AFG2A: variants seen among roughly 807,000 people sequenced by gnomAD.
The protein encoded by AFG2A is ATPase family gene 2 protein homolog A.
the AFG2A span, among the ~76,000 whole-genome samples, chr4:123,311,026 C>T: frequency 6.6e-6 from 1 of 152,210 alleles, no homozygotes; most frequent in Non-Finnish European, 1.5e-5. Context: ...TTTTCATTAA[C>T]ACTCAGAAGT....
At chr4:123,004,004 G>T in the AFG2A span, among the ~76,000 whole-genome samples, 2 of 152,214 alleles carry the variant, frequency 1.3e-5, no homozygotes, top group African/African-American at 4.8e-5. Flanking sequence ...AAGCGAGCCT[G>T]AGCAATGGCA....
At chr4:122,987,127 A>T in the AFG2A span, among the ~76,000 whole-genome samples, 1 of 152,084 alleles carries the variant, frequency 6.6e-6, no homozygotes, top group African/African-American at 2.4e-5. Context: ...ATATAAGTAT[A>T]GCCACCCCTG....
At chr4:123,259,805 T>C in the AFG2A span, 5 of 152,360 alleles carry the variant, frequency 3.3e-5, no homozygotes, top group Non-Finnish European at 5.9e-5. Flanking sequence ...CATTACCCCA[T>C]ATGCCCTATG....
the AFG2A span, among the ~76,000 whole-genome samples, chr4:123,136,337 C>T: frequency 6.7e-6 from 1 of 150,338 alleles, no homozygotes; most frequent in Non-Finnish European, 1.5e-5. Context: ...AGTTTTAGAC[C>T]AGCCGAACCA....
At chr4:123,184,348 T>G in the AFG2A span, among the ~76,000 whole-genome samples, 1 of 152,266 alleles carries the variant, frequency 6.6e-6, no homozygotes, top group Non-Finnish European at 1.5e-5. Context: ...ACTTTTATGT[T>G]TGTACATATT....
At chr4:122,983,056 C>T in the AFG2A span, among the ~76,000 whole-genome samples, 1 of 151,764 alleles carries the variant, frequency 6.6e-6, no homozygotes, top group African/African-American at 2.4e-5. Flanking sequence ...TTAGTAGAGA[C>T]GGGGTTTCAC....
the AFG2A span, among the ~76,000 whole-genome samples, chr4:123,177,835 T>G: frequency 3.3e-5 from 5 of 152,176 alleles, no homozygotes; most frequent in South Asian, 8.3e-4. Flanking sequence ...CATGGCCGCA[T>G]AGGGGACTAT....
At chr4:123,279,367 G>C in the AFG2A span, among the ~76,000 whole-genome samples, 1 of 151,692 alleles carries the variant, frequency 6.6e-6, no homozygotes, top group African/African-American at 2.4e-5. Flanking sequence ...CCAGGATCAT[G>C]CCACGGCACT....
At chr4:122,991,857 C>G in the AFG2A span, among the ~76,000 whole-genome samples, 1 of 152,020 alleles carries the variant, frequency 6.6e-6, no homozygotes, top group Non-Finnish European at 1.5e-5. Context: ...TGATGTTGGG[C>G]TAGTAGAAAC....
the AFG2A span, among the ~76,000 whole-genome samples, chr4:123,227,913 T>C: frequency 6.6e-6 from 1 of 152,210 alleles, no homozygotes; most frequent in African/African-American, 2.4e-5. Flanking sequence ...TGTGCATATA[T>C]ATTTAGGATA....
chr4:123,069,719 C>T, the AFG2A span, among the ~76,000 whole-genome samples: 1 of 152,150 alleles, frequency 6.6e-6, no homozygotes, highest in South Asian at 2.1e-4. Context: ...TAAACATATT[C>T]TTATCTGGAA....
At chr4:123,026,961 A>C in the AFG2A span, among the ~76,000 whole-genome samples, 1 of 152,156 alleles carries the variant, frequency 6.6e-6, no homozygotes, top group Non-Finnish European at 1.5e-5. Context: ...TGAATCCTGA[A>C]TATTACCCTA....
chr4:123,109,582 T>G, the AFG2A span, among the ~76,000 whole-genome samples: 2 of 152,188 alleles, frequency 1.3e-5, no homozygotes, highest in Admixed American at 1.3e-4. Flanking sequence ...TAGGAAAAGA[T>G]TATATCAATC....
At chr4:123,307,975 A>G in the AFG2A span, among the ~76,000 whole-genome samples, 3 of 152,314 alleles carry the variant, frequency 2.0e-5, no homozygotes, top group African/African-American at 7.2e-5. Flanking sequence ...GCACCTAACA[A>G]TGCACTTCTC....
At chr4:123,303,056 C>G in the AFG2A span, among the ~76,000 whole-genome samples, 1 of 152,272 alleles carries the variant, frequency 6.6e-6, no homozygotes, top group South Asian at 2.1e-4. Context: ...CCTTCCCTAC[C>G]CAGTGGTTCC....
At chr4:123,061,674 C>T in the AFG2A span, among the ~76,000 whole-genome samples, 2 of 152,178 alleles carry the variant, frequency 1.3e-5, no homozygotes, top group African/African-American at 2.4e-5. Flanking sequence ...CAAACCATAC[C>T]AGCTGCCCTG....
chr4:123,314,726 T>C, the AFG2A span: 2 of 150,886 alleles, frequency 1.3e-5, no homozygotes, highest in Non-Finnish European at 2.9e-5. Context: ...CCTAGATCAG[T>C]AGGCTTGGGT....
chr4:123,141,884 T>G, the AFG2A span, among the ~76,000 whole-genome samples: 5 of 152,184 alleles, frequency 3.3e-5, no homozygotes, highest in East Asian at 9.6e-4. Flanking sequence ...ACTTGCCACT[T>G]TTTTGTAGCA....
chr4:123,027,905 A>G, the AFG2A span, among the ~76,000 whole-genome samples: 1 of 152,140 alleles, frequency 6.6e-6, no homozygotes, highest in Admixed American at 6.6e-5. Context: ...TCTTTCTAGA[A>G]GGTTAGATTT....
Sources: allele counts gnomAD v4.1 joint callset (sites outside exome capture counted in the v4.1 genomes callset), GRCh38; gene constraint gnomAD v4.1.1; transcripts MANE v1.5; gene names NCBI Gene and HGNC (gene_info 2026-07-23, HGNC 2026-07-21).